Variants in CEP162 observed in about 807,000 individuals in gnomAD.
CEP162 encodes centrosomal protein of 162 kDa.
CEP162 carries 141 observed loss-of-function variants against 169.2 expected under a neutral mutation model. That is an observed-to-expected ratio of 0.83 (90% confidence interval 0.73 to 0.96). The LOEUF is 0.96. Among genes scored for constraint, CEP162 ranks in the 40% least tolerant of loss-of-function variants. CEP162 has a pLI of 0.00. For missense variants in CEP162, 1,600 were observed against 1,587.2 expected, an observed-to-expected ratio of 1.01 and a Z score of -0.14; for synonymous variants, 540 against 526.4, an observed-to-expected ratio of 1.03 and a Z score of -0.35.
intron 3 of CEP162, among the ~76,000 whole-genome samples, chr6:84,217,635 CA>C (rs1350006948): frequency 6.6e-6 from 1 of 152,148 alleles, no homozygotes; most frequent in African/African-American, 2.4e-5. Flanking sequence ...GCTTTTATAA[CA>C]AGTGAAATGA....
chr6:84,165,163 C>A (rs1383238439), intron 18 of CEP162, among the ~76,000 whole-genome samples: 1 of 151,846 alleles, frequency 6.6e-6, no homozygotes, highest in Non-Finnish European at 1.5e-5. Flanking sequence ...CCCCAGAAGG[C>A]CTTCCTGACC....
At position 84,169,314 on chromosome 6, in the gene CEP162, G is replaced by T; in HGVS notation, c.2385+14C>A. 1 of 1,432,134 alleles carries T rather than the reference G, an allele frequency of 7.0e-7. No homozygotes were observed. The highest frequency in any genetic ancestry group is 9.5e-7 in the Non-Finnish European group (1 of 1,053,486). The allele number at this position is 1,432,134 out of a possible 1,614,324, so 88.7% of individuals were successfully genotyped here. A position where few individuals can be genotyped will look rare whatever the true frequency, so the allele number is the denominator to read the frequency against. ...TTTATTATCCCTAATAGTCAAAATCGTTATGCAACTTACCTGTGCCATCCG... is the reference window on the plus strand; with the variant it reads ...TTTATTATCCCTAATAGTCAAAATCTTTATGCAACTTACCTGTGCCATCCG... On this transcript the variant is annotated intron_variant, in intron 18 of 26. Transcript: ENST00000403245.
At position 84,163,153 on chromosome 6, in the gene CEP162, A is replaced by G; in HGVS notation, c.2503T>C (p.Tyr835His). The G allele has an allele frequency of 6.2e-7, 1 of 1,613,374 alleles. No individual in the cohort carries two copies. Among genetic ancestry groups the G allele is most frequent in the South Asian group, 1.1e-5 (1 of 91,058 alleles). The part of the protein sequence containing the change: ...ERDQAKDQIA[Y>H]VTGEKLYEIK... Reference sequence around the variant, plus strand: ...CAGCTCAGTGTTTTACCTGTGACATAAGCAATCTGATCTTTGGCTTGGTCC... The same window carrying G: ...CAGCTCAGTGTTTTACCTGTGACATGAGCAATCTGATCTTTGGCTTGGTCC... Residue 835 changes from tyrosine (Y) to histidine (H), a missense_variant, in exon 19 of 27, where the codon TAT becomes CAT. Transcript: ENST00000403245.
At chr6:84,213,787 A>C (rs2127748145) in intron 5 of CEP162, among the ~76,000 whole-genome samples, 1 of 152,296 alleles carries the variant, frequency 6.6e-6, no homozygotes, top group East Asian at 1.9e-4. Context: ...AAGTGGCAAA[A>C]AGTTGTGGCC....
intron 5 of CEP162, among the ~76,000 whole-genome samples, chr6:84,213,237 T>TA (rs1437074494): frequency 6.6e-6 from 1 of 152,158 alleles, no homozygotes; most frequent in Non-Finnish European, 1.5e-5. Flanking sequence ...AGTTTAAAAG[T>TA]AATACAAAGG....
rs573504146 is a variant in CEP162 at position 84,168,687 on chromosome 6, C to T, written c.2385+641G>A. ...TAAAAATCATGCAGTGCATGAATTACTTCTGCTTAAAATAGAACTACCCTG... is the reference window on the plus strand; with the variant it reads ...TAAAAATCATGCAGTGCATGAATTATTTCTGCTTAAAATAGAACTACCCTG... On this transcript the variant is annotated intron_variant, in intron 18 of 26. Coordinates refer to ENST00000403245, the MANE Select transcript of CEP162 (RefSeq NM_014895.4). Among the ~76,000 whole-genome samples, 23 of 152,200 alleles carry T rather than the reference C, an allele frequency of 1.5e-4. No individual in the cohort carries two copies. In the South Asian group the frequency reaches 1.7e-3, roughly 11 times the overall value.
intron 18 of CEP162, among the ~76,000 whole-genome samples, chr6:84,164,208 G>A (rs1426976199): frequency 6.6e-6 from 1 of 152,148 alleles, no homozygotes; most frequent in African/African-American, 2.4e-5. Context: ...AACAGATGCT[G>A]GCAAGGATGC....
intron 25 of CEP162, among the ~76,000 whole-genome samples, chr6:84,133,014 A>T (rs2099512264): frequency 6.6e-6 from 1 of 152,048 alleles, no homozygotes; most frequent in African/African-American, 2.4e-5. Flanking sequence ...GTCTTTGATG[A>T]TGGTGACCTA....
At chr6:84,175,784 T>G (rs2099532166) in intron 13 of CEP162, among the ~76,000 whole-genome samples, 1 of 152,198 alleles carries the variant, frequency 6.6e-6, no homozygotes, top group Non-Finnish European at 1.5e-5. Context: ...CAGAGCACAT[T>G]TTTTATAAAC....
Position 84,149,689 on chromosome 6 carries a change from G to GT in CEP162, c.3643dup (p.Thr1215AsnfsTer34). On this transcript the variant is annotated frameshift_variant, in exon 24 of 27. Transcript: ENST00000403245. LOFTEE classifies it high-confidence loss of function. ...TTTGAGGGATGCAATGTGTGCTGCA[G>GT]TATCTTCCTTGACCCTACAGAGCAA... is the stretch of plus-strand genomic sequence containing the variant. 6.4e-7 allele frequency: 1 copy of GT among 1,557,202 alleles called. No individual in the cohort carries two copies.
chr6:84,203,971 A>G lies in CEP162; in HGVS notation c.687+10T>C, dbSNP rs369136659. ...TGCAAAACTGTCAAATATATAATTG[A>G]TATATATACCTGTTTGGGCACACTT... is the stretch of plus-strand genomic sequence containing the variant. On this transcript the variant is annotated intron_variant, in intron 7 of 26. Transcript: ENST00000403245. The G allele has an allele frequency of 1.6e-5, 25 of 1,523,838 alleles. No homozygotes were observed. The highest frequency in any genetic ancestry group is 2.2e-5 in the Non-Finnish European group (24 of 1,113,252). 94.4% of individuals were successfully genotyped at this position (1,523,838 alleles called of 1,614,324 possible). A position where few individuals can be genotyped will look rare whatever the true frequency, so the allele number is the denominator to read the frequency against.
intron 11 of CEP162, among the ~76,000 whole-genome samples, chr6:84,191,465 G>C (rs777948392): frequency 6.6e-6 from 1 of 152,216 alleles, no homozygotes; most frequent in Non-Finnish European, 1.5e-5. Context: ...GGTTCTCAAA[G>C]TTGTAACATT....
chr6:84,165,600 A>G (rs2099527514), intron 18 of CEP162, among the ~76,000 whole-genome samples: 1 of 152,096 alleles, frequency 6.6e-6, no homozygotes, highest in African/African-American at 2.4e-5. Flanking sequence ...GGGGACCAAC[A>G]CTGATTTAGT....
At chr6:84,176,041 T>C (rs1016309052) in intron 13 of CEP162, among the ~76,000 whole-genome samples, 2 of 152,154 alleles carry the variant, frequency 1.3e-5, no homozygotes, top group Admixed American at 6.5e-5. Context: ...TAATAAACAA[T>C]GTTTAAGAAC....
At chr6:84,134,475 G>A (rs548156598) in intron 25 of CEP162, among the ~76,000 whole-genome samples, 20 of 152,308 alleles carry the variant, frequency 1.3e-4, no homozygotes, top group African/African-American at 2.6e-4. Flanking sequence ...CCCTGGTGGC[G>A]TAGGCACCCA....
At chr6:84,189,405 G>A (rs928421998) in intron 11 of CEP162, among the ~76,000 whole-genome samples, 4 of 152,210 alleles carry the variant, frequency 2.6e-5, no homozygotes, top group African/African-American at 7.2e-5. Flanking sequence ...TGCGTGCGGC[G>A]CTTGCGGGCC....
At position 84,201,779 on chromosome 6, in the gene CEP162, A is replaced by G; in HGVS notation, c.688-12T>C. ...GTTTTTTCTTCTTCCTAAATTAAAA[A>G]AGGAAAATGATGATATGTTTTGAAA... is the stretch of plus-strand genomic sequence containing the variant. On this transcript the variant is annotated splice_polypyrimidine_tract_variant and intron_variant, in intron 7 of 26. Coordinates refer to ENST00000403245, the MANE Select transcript of CEP162 (RefSeq NM_014895.4). 7.8e-7 allele frequency: 1 copy of G among 1,284,138 alleles called. No individual in the cohort carries two copies. Among genetic ancestry groups the G allele is most frequent in the South Asian group, 1.4e-5 (1 of 72,474 alleles). The allele number at this position is 1,284,138 out of a possible 1,614,324, so 79.5% of individuals were successfully genotyped here. A position where few individuals can be genotyped will look rare whatever the true frequency, so the allele number is the denominator to read the frequency against.
At chr6:84,199,986 C>T (rs895302465) in intron 9 of CEP162, among the ~76,000 whole-genome samples, 9 of 152,248 alleles carry the variant, frequency 5.9e-5, no homozygotes, top group East Asian at 5.8e-4. Context: ...TGTGGTGGCT[C>T]ACGCCTGCAA....
chr6:84,179,024 T>G (rs936115768), intron 13 of CEP162, among the ~76,000 whole-genome samples: 5 of 152,186 alleles, frequency 3.3e-5, no homozygotes, highest in African/African-American at 1.2e-4. Flanking sequence ...TATTCCATGG[T>G]GTATATGTGC....
Sources: gnomAD v4.1 joint callset for allele counts (sites outside exome capture counted in the v4.1 genomes callset) on GRCh38, gnomAD v4.1.1 for gene constraint, MANE v1.5 for transcripts, NCBI Gene and HGNC (gene_info 2026-07-23, HGNC 2026-07-21) for gene names.